ADCY4: variants seen among roughly 807,000 people sequenced by gnomAD.
ADCY4 encodes the protein adenylate cyclase type 4.
Under a neutral mutation model 125.5 loss-of-function variants are expected in ADCY4, and 111 were observed. The ratio of observed to expected loss-of-function variants is 0.88; its 90% confidence interval spans 0.76 to 1.04. The LOEUF is 1.04. Ranked by LOEUF, ADCY4 falls within the 50% of genes least tolerant of loss-of-function variation. The pLI is 0.00. For synonymous variants in ADCY4, 576 were observed against 586.9 expected, an observed-to-expected ratio of 0.98 and a Z score of 0.27; for missense variants, 1,256 against 1,382.9, an observed-to-expected ratio of 0.91 and a Z score of 1.46.
At chr14:24,332,154 C>G in intron 3 of ADCY4, 2 of 534,720 alleles carry the variant, frequency 3.7e-6, no homozygotes, top group South Asian at 9.5e-5. Context: ...AACACGACCT[C>G]TTAGGTCTGG....
intron 4 of ADCY4, 188 bp from the exon 5 acceptor site, chr14:24,331,544 T>A: frequency 1.0e-5 from 9 of 899,770 alleles, no homozygotes; most frequent in Non-Finnish European, 1.5e-5. Flanking sequence ...GTGACTAAAC[T>A]CCCAGTATCA....
rs548276441 is a variant in ADCY4, at chr14:24,327,765, C to G, written c.1524+1296G>C. Among the ~76,000 whole-genome samples the G allele has an allele frequency of 5.6e-4, 85 of 152,286 alleles. 1 individual carries two copies. The South Asian group carries it at 0.017, about 31-fold the overall frequency. ...TTGTGGTGTCAGGGGAAGGCACTCT[C>G]CTGAGTAGAGGCTGGGGAGTTATGG... On this transcript the variant is annotated intron_variant, in intron 10 of 24. Coordinates refer to ENST00000418030, the MANE Select transcript of ADCY4 (RefSeq NM_001198568.2).
rs2041898959 is a variant in ADCY4, at chr14:24,323,975, G to T, written c.2046+87C>A. 4 of 1,525,800 alleles carry T rather than the reference G, an allele frequency of 2.6e-6. No homozygotes were observed. The Admixed American group carries it at 6.2e-5, about 23-fold the overall frequency. 94.5% of individuals were successfully genotyped at this position (1,525,800 alleles called of 1,614,324 possible). Reference sequence around the variant, plus strand: ...AGCATCCCCTGGGCTTAGTCCAGCTGCCTGCCCAAATCCAGGGGTTCCCTT... The same window carrying T: ...AGCATCCCCTGGGCTTAGTCCAGCTTCCTGCCCAAATCCAGGGGTTCCCTT... On this transcript the variant is annotated intron_variant, in intron 16 of 24. Coordinates refer to ENST00000418030, the MANE Select transcript of ADCY4 (RefSeq NM_001198568.2).
chr14:24,332,283 A>G, intron 3 of ADCY4: 1 of 480,418 alleles, frequency 2.1e-6, no homozygotes. Flanking sequence ...CATTAACCAC[A>G]TCTGTTGTCC....
chr14:24,327,043 C>T (rs1026853920), intron 10 of ADCY4, among the ~76,000 whole-genome samples: 17 of 150,774 alleles, frequency 1.1e-4, no homozygotes, highest in African/African-American at 3.9e-4. Context: ...ATTGCAGGCA[C>T]GCACCACCAC....
chr14:24,322,984 G>T lies in ADCY4; in HGVS notation c.2262C>A (p.Ser754=). The T allele has an allele frequency of 6.2e-7, 1 of 1,614,062 alleles. No individual in the cohort carries two copies. Among genetic ancestry groups the T allele is most frequent in the Non-Finnish European group, 8.5e-7 (1 of 1,179,990 alleles). The change falls in exon 18 of 25, where the codon TCC becomes TCA. Residue 754 remains serine, a synonymous_variant. Coordinates refer to ENST00000418030, the MANE Select transcript of ADCY4 (RefSeq NM_001198568.2). ...CATGGGAGTGCAGGAAGAGGGAGCA[G>T]GATGCCGCCAGCCACAGCAGGAGCA... ...LLLLLLWLAA[S]CSLFLHSHAW...
rs747608772 is a variant in ADCY4, at chr14:24,330,256, A to G, written c.970T>C (p.Tyr324His). Reference protein sequence around the residue: ...CMRIKILGDCYYCVSGLPLSL... With the variant: ...CMRIKILGDCHYCVSGLPLSL... ...AGTGGCAGCCCAGAGACACAGTAGT[A>G]ACAGTCCCCCAGGATCTTGATCCGC... The change falls in exon 7 of 25, where the codon TAC becomes CAC. Residue 324 changes from tyrosine (Y) to histidine (H), a missense_variant. Coordinates refer to ENST00000418030, the MANE Select transcript of ADCY4 (RefSeq NM_001198568.2). 4 of 1,614,192 alleles carry G rather than the reference A, an allele frequency of 2.5e-6. No homozygotes were observed. The highest frequency in any genetic ancestry group is 3.4e-6 in the Non-Finnish European group (4 of 1,180,040).
rs200394348 is a variant in ADCY4, at chr14:24,332,875, G to A, written c.273C>T (p.Pro91=). The A allele has an allele frequency of 6.2e-7, 1 of 1,606,126 alleles. No individual in the cohort carries two copies. The highest frequency in any genetic ancestry group is 2.2e-5 in the East Asian group (1 of 44,702). ...GCGCGACCCATACCAAGCCGGACAG[G>A]GGACGCGTCCAGCGCTGCAGTCGCT... ...REQRLQRWTR[P]LSGLVWVALL... The change falls in exon 2 of 25, where the codon CCC becomes CCT. Residue 91 remains proline (P), a synonymous_variant. Transcript: ENST00000418030.
rs777664790 is a variant in ADCY4, at chr14:24,325,462, CAG to C, written c.1736_1737del (p.Ser579CysfsTer9). The C allele has an allele frequency of 7.4e-6, 12 of 1,613,560 alleles. No individual in the cohort carries two copies. In the South Asian group the frequency reaches 7.7e-5, roughly 10 times the overall value. ...TCATAGTATTTGAAGGCGGGGATTG[CAG>C]AGAGTCGGTACTGAAAGTGAGAGGG... ...EKEMEKEYRL[S>X]AIPAFKYYEA... On this transcript the variant is annotated frameshift_variant, in exon 14 of 25. Transcript: ENST00000418030. LOFTEE classifies it high-confidence loss of function.
intron 10 of ADCY4, 107 bp downstream of exon 10, chr14:24,328,953 AT>A (rs1181668247): frequency 4.3e-5 from 59 of 1,377,902 alleles, no homozygotes; most frequent in Non-Finnish European, 5.8e-5. Flanking sequence ...GTCACAAATC[AT>A]TAAGTGGCTC....
intron 17 of ADCY4, 25 bp downstream of exon 17, chr14:24,323,319 A>C: frequency 2.0e-6 from 3 of 1,533,948 alleles, no homozygotes; most frequent in Non-Finnish European, 2.7e-6. Flanking sequence ...GCAGAAGGAG[A>C]TTAAGGGCAT....
Position 24,319,742 on chromosome 14 carries a change from C to G in ADCY4, c.2733G>C (p.Glu911Asp). The stretch of plus-strand genomic sequence containing the variant: ...TCTGGGAGACTCTTGGAATTTTCAC[C>G]TCATCAAAATCAGCAATTATCTCAT... The part of the protein sequence containing the change: ...LLNEIIADFD[E>D]LLSKPKFSGV... Residue 911 changes from glutamate (E) to aspartate (D), a missense_variant and splice_region_variant, in exon 21 of 25, where the codon GAG becomes GAC. Coordinates refer to ENST00000418030, the MANE Select transcript of ADCY4 (RefSeq NM_001198568.2). The surrounding 1 kb of genome is among the most constrained non-coding windows in gnomAD (Gnocchi z 4.5). 1 of 1,614,058 alleles carries G rather than the reference C, an allele frequency of 6.2e-7. No homozygotes were observed. The highest frequency in any genetic ancestry group is 8.5e-7 in the Non-Finnish European group (1 of 1,180,022).
rs546514409 is a variant in ADCY4, at chr14:24,331,285, C to T, written c.741G>A (p.Leu247=). The change falls in exon 5 of 25, where the codon CTG becomes CTA. Residue 247 remains leucine (L), a synonymous_variant. Coordinates refer to ENST00000418030, the MANE Select transcript of ADCY4 (RefSeq NM_001198568.2). ...CTGGCCGTGACCCCTGTCCTGCCTG[C>T]AGCCGTGCCATGATCTCTGCCTTCA... ...REMKAEIMAR[L]QAGQGSRPES... is the part of the protein sequence containing the mutation. 1.3e-4 allele frequency: 215 copies of T among 1,614,158 alleles called. 2 individuals carry two copies. In the South Asian group the frequency reaches 2.3e-3, roughly 17 times the overall value.
chr14:24,328,616 C>G lies in ADCY4; in HGVS notation c.1524+445G>C, dbSNP rs957245237. The G allele has an allele frequency of 1.8e-5, 3 of 169,826 alleles. No individual in the cohort carries two copies. The Admixed American group carries it at 1.8e-4, about 10-fold the overall frequency. The allele number at this position is 169,826 out of a possible 1,614,324, so 10.5% of individuals were successfully genotyped here. A position where few individuals can be genotyped will look rare whatever the true frequency, so the allele number is the denominator to read the frequency against. On this transcript the variant is annotated intron_variant, in intron 10 of 24. Transcript: ENST00000418030. ...ATTGGAGGTGACTCACATTCTTTAC[C>G]TTGCCCCTTCTGCCTTGTATCCAAT...
At position 24,318,690 on chromosome 14, in the gene ADCY4, G is replaced by A. The variant is rs1446446315; in HGVS notation, c.3045C>T (p.Ser1015=). The part of the protein sequence containing the change: ...DIWGNTVNVA[S]RMESTGVLGK... ...CAAGGACTCCTGTACTCTCCATGCG[G>A]CTGGCCACGTTCACTGTGTTGCCCC... Residue 1015 remains serine (S), a synonymous_variant, in exon 24 of 25, where the codon AGC becomes AGT. Transcript: ENST00000418030. The A allele has an allele frequency of 6.2e-7, 1 of 1,614,150 alleles. No homozygotes were observed. Among genetic ancestry groups the A allele is most frequent in the Admixed American group, 1.7e-5 (1 of 60,012 alleles).
intron 7 of ADCY4, 73 bp downstream of exon 7, chr14:24,330,095 A>C: frequency 6.3e-7 from 1 of 1,598,814 alleles, no homozygotes. Context: ...TCTCACAAAG[A>C]GGACTTCTGT....
chr14:24,327,860 T>A (rs940687828), intron 10 of ADCY4, among the ~76,000 whole-genome samples: 1 of 152,196 alleles, frequency 6.6e-6, no homozygotes, highest in South Asian at 2.1e-4. Flanking sequence ...AGTTCCAGTA[T>A]AATAAAATAT....
intron 14 of ADCY4, 56 bp from the exon 15 acceptor site, chr14:24,324,447 A>G (rs1381941892): frequency 1.0e-5 from 16 of 1,544,464 alleles, no homozygotes; most frequent in South Asian, 9.0e-5. Flanking sequence ...CCTGTGTGCT[A>G]TGAAGGTGCT....
At position 24,331,098 on chromosome 14, in the gene ADCY4, G is replaced by A. The variant is rs201473774; in HGVS notation, c.850C>T (p.Arg284Trp). The A allele has an allele frequency of 1.6e-5, 26 of 1,613,554 alleles. No individual in the cohort carries two copies. Among genetic ancestry groups the A allele is most frequent in the Admixed American group, 6.7e-5 (4 of 60,004 alleles). Residue 284 changes from arginine to tryptophan, a missense_variant, in exon 6 of 25, where the codon CGG becomes TGG. Coordinates refer to ENST00000418030, the MANE Select transcript of ADCY4 (RefSeq NM_001198568.2). ...TTAGGGGAACACTCGCTGGCCAGCC[G>A]CGTGAAGCCCACGATGTCAGCATAC... is the stretch of plus-strand genomic sequence containing the variant. ...VLYADIVGFT[R>W]LASECSPKEL... is the part of the protein sequence containing the mutation.
Sources: allele counts gnomAD v4.1 joint callset (sites outside exome capture counted in the v4.1 genomes callset), GRCh38; gene constraint gnomAD v4.1.1; non-coding constraint Gnocchi (gnomAD v3.1); transcripts MANE v1.5; gene names NCBI Gene and HGNC (gene_info 2026-07-23, HGNC 2026-07-21).